BTD: variants seen among roughly 807,000 people sequenced by gnomAD.
BTD encodes the protein biocytinase.
BTD carries 13 observed loss-of-function variants against 17.7 expected under a neutral mutation model. The ratio of observed to expected loss-of-function variants is 0.74; its 90% CI spans 0.48 to 1.17. BTD has a LOEUF of 1.17. Ranked by LOEUF, BTD falls within the 50% of genes most tolerant of loss-of-function variation. The pLI is 0.00. For synonymous variants in BTD, 240 were observed against 245.2 expected (o/e 0.98, Z 0.20); for missense variants, 674 against 650.4 (o/e 1.04, Z -0.39).
At chr3:15,659,419 A>C (rs2065900728) in intron 3 of BTD, among the ~76,000 whole-genome samples, 1 of 152,224 alleles carries the variant, frequency 6.6e-6, no homozygotes. Flanking sequence ...CACACATGGC[A>C]GGTAGGATGT....
intron 3 of BTD, among the ~76,000 whole-genome samples, chr3:15,705,335 T>C (rs1320294718): frequency 6.6e-6 from 1 of 152,160 alleles, no homozygotes; most frequent in Non-Finnish European, 1.5e-5. Flanking sequence ...GTTTTGTGTG[T>C]GTGTGAATTC....
At chr3:15,690,256 A>G in intron 3 of BTD, 1 of 1,471,588 alleles carries the variant, frequency 6.8e-7, no homozygotes. Flanking sequence ...TAAAACATAC[A>G]TATTTAGACT....
At chr3:15,637,048 C>T (rs1048907400) in intron 2 of BTD, among the ~76,000 whole-genome samples, 7 of 152,226 alleles carry the variant, frequency 4.6e-5, no homozygotes, top group East Asian at 1.9e-4. Flanking sequence ...ACTGCCACCA[C>T]GATTCTATCG....
chr3:15,655,029 G>T (rs556019060), downstream of BTD, among the ~76,000 whole-genome samples: 6 of 152,134 alleles, frequency 3.9e-5, no homozygotes, highest in Non-Finnish European at 5.9e-5. Context: ...CACCGCGCCC[G>T]GCCTGCATCA....
downstream of BTD, among the ~76,000 whole-genome samples, chr3:15,716,409 A>G (rs1486789797): frequency 1.3e-5 from 2 of 151,380 alleles, no homozygotes; most frequent in African/African-American, 4.9e-5. Context: ...TTCTAACAAC[A>G]GCCTCTGGAG....
chr3:15,606,184 A>C (rs1439125271), intron 1 of BTD, among the ~76,000 whole-genome samples: 1 of 152,106 alleles, frequency 6.6e-6, no homozygotes, highest in African/African-American at 2.4e-5. Flanking sequence ...CTTTTGTGAC[A>C]GTCTCTGCCC....
At chr3:15,698,310 T>C (rs2069991657) in intron 3 of BTD, among the ~76,000 whole-genome samples, 1 of 152,166 alleles carries the variant, frequency 6.6e-6, no homozygotes, top group Non-Finnish European at 1.5e-5. Flanking sequence ...ACTGGAAGCA[T>C]TCCCTTTGAA....
chr3:15,706,236 C>T (rs142574367), intron 3 of BTD, among the ~76,000 whole-genome samples: 3 of 151,922 alleles, frequency 2.0e-5, no homozygotes, highest in Non-Finnish European at 4.4e-5. Flanking sequence ...GCTATCCCTC[C>T]CCCTCCTCCC....
At chr3:15,720,043 A>AT (rs2073530535) in intron 4 of BTD, among the ~76,000 whole-genome samples, 1 of 151,626 alleles carries the variant, frequency 6.6e-6, no homozygotes, top group East Asian at 1.9e-4. Context: ...CTCATTTTCT[A>AT]TTTTTTTGTG....
chr3:15,677,073 T>TA lies in BTD; in HGVS notation c.400-32985dup, dbSNP rs749250771. On this transcript the variant is annotated intron_variant, in intron 3 of 3. Transcript: ENST00000672141. ...TTCATGACCCTATAATTGTGGCAGA[T>TA]AAGTTATAAAAACTTGAGCACCATT... 6 of 1,605,604 alleles carry TA rather than the reference T, an allele frequency of 3.7e-6. No homozygotes were observed. In the South Asian group the frequency reaches 6.6e-5, roughly 18 times the overall value.
chr3:15,622,802 C>G (rs544012509), intron 1 of BTD, among the ~76,000 whole-genome samples: 2 of 152,290 alleles, frequency 1.3e-5, no homozygotes, highest in South Asian at 2.1e-4. Flanking sequence ...TTTTGTGACC[C>G]ACTTTTTAAT....
intron 3 of BTD, chr3:15,676,990 T>C: frequency 6.2e-7 from 1 of 1,613,272 alleles, no homozygotes; most frequent in Non-Finnish European, 8.5e-7. Flanking sequence ...AAGGCTGCGT[T>C]GGTTGCATTG....
chr3:15,688,438 A>G (rs957318961), intron 3 of BTD, among the ~76,000 whole-genome samples: 1 of 152,228 alleles, frequency 6.6e-6, no homozygotes, highest in Non-Finnish European at 1.5e-5. Context: ...AAAGTGATAT[A>G]TAACTTCACT....
chr3:15,707,228 G>A (rs567351120), intron 3 of BTD, among the ~76,000 whole-genome samples: 15 of 149,582 alleles, frequency 1.0e-4, no homozygotes, highest in African/African-American at 3.2e-4. Context: ...AATCTTTTCT[G>A]TTTTCAATGA....
chr3:15,675,320 T>TC (rs2066819252), intron 3 of BTD, among the ~76,000 whole-genome samples: 1 of 152,070 alleles, frequency 6.6e-6, no homozygotes, highest in Admixed American at 6.6e-5. Flanking sequence ...ATGAGAGGAA[T>TC]AACTGCGGAC....
chr3:15,703,074 T>C (rs1018439252), intron 3 of BTD, among the ~76,000 whole-genome samples: 8 of 152,116 alleles, frequency 5.3e-5, no homozygotes, highest in Admixed American at 4.6e-4. Context: ...CTTACATATA[T>C]ATACACAATA....
chr3:15,706,491 G>T (rs2071430511), intron 3 of BTD, among the ~76,000 whole-genome samples: 6 of 152,100 alleles, frequency 3.9e-5, no homozygotes. Context: ...GTCTATCATT[G>T]ATGGACATTT....
chr3:15,690,024 G>A, intron 3 of BTD: 1 of 1,605,104 alleles, frequency 6.2e-7, no homozygotes, highest in Non-Finnish European at 8.5e-7. Flanking sequence ...CATACCTGCT[G>A]CATGAATAGG....
At chr3:15,657,130 G>T (rs1356973888), downstream of BTD, among the ~76,000 whole-genome samples, 2 of 152,136 alleles carry the variant, frequency 1.3e-5, no homozygotes, top group Non-Finnish European at 2.9e-5. Flanking sequence ...TCCCAGACAG[G>T]GTATTATAAG....
Sources: allele counts gnomAD v4.1 joint callset (sites outside exome capture counted in the v4.1 genomes callset), GRCh38; gene constraint gnomAD v4.1.1; transcripts MANE v1.5; gene names NCBI Gene and HGNC (gene_info 2026-07-23, HGNC 2026-07-21).